SMIM36: variants seen among roughly 807,000 people sequenced by gnomAD.
The protein encoded by SMIM36 is small integral membrane protein 36.
the SMIM36 span, among the ~76,000 whole-genome samples, chr17:55,525,874 T>A: frequency 3.3e-5 from 5 of 152,220 alleles, no homozygotes; most frequent in Admixed American, 6.5e-5. Context: ...GCCAGACTGG[T>A]CTCGAACTTT....
chr17:55,482,233 T>C (rs569513666), intron 1 of SMIM36, among the ~76,000 whole-genome samples: 9 of 152,294 alleles, frequency 5.9e-5, no homozygotes, highest in African/African-American at 2.2e-4. Context: ...ACACATAGCA[T>C]GTGTCCATAC....
chr17:55,517,367 A>C, the SMIM36 span, among the ~76,000 whole-genome samples: 3 of 152,188 alleles, frequency 2.0e-5, no homozygotes, highest in Non-Finnish European at 4.4e-5. Context: ...CCTGGCCAAC[A>C]TGGTGAAACC....
intron 2 of SMIM36, among the ~76,000 whole-genome samples, 152 bp downstream of exon 2, chr17:55,479,308 C>T (rs1396709433): frequency 2.0e-5 from 3 of 152,070 alleles, no homozygotes; most frequent in Admixed American, 6.6e-5. Context: ...TGTGCAGCCC[C>T]GTGTGGTGGC....
chr17:55,489,293 G>T (rs760679040), intron 1 of SMIM36, among the ~76,000 whole-genome samples: 1 of 152,022 alleles, frequency 6.6e-6, no homozygotes, highest in African/African-American at 2.4e-5. Context: ...CAGGAGAATC[G>T]CTTGAACCTG....
the SMIM36 span, among the ~76,000 whole-genome samples, chr17:55,525,134 C>G: frequency 6.6e-6 from 1 of 152,196 alleles, no homozygotes; most frequent in Non-Finnish European, 1.5e-5. Context: ...TATATATGTT[C>G]CCCTGTCTAC....
chr17:55,518,185 A>G, the SMIM36 span, among the ~76,000 whole-genome samples: 2 of 152,240 alleles, frequency 1.3e-5, no homozygotes, highest in African/African-American at 2.4e-5. Context: ...AGAAGGTAAA[A>G]GGACAAGAGA....
intron 1 of SMIM36, among the ~76,000 whole-genome samples, chr17:55,510,110 C>T (rs2144724485): frequency 6.6e-6 from 1 of 152,194 alleles, no homozygotes; most frequent in African/African-American, 2.4e-5. Context: ...GTGGTCCAAT[C>T]ACTATCCCTG....
intron 1 of SMIM36, among the ~76,000 whole-genome samples, chr17:55,494,924 A>G (rs1909782456): frequency 6.6e-6 from 1 of 152,202 alleles, no homozygotes; most frequent in Non-Finnish European, 1.5e-5. Flanking sequence ...AGTTGCCTAA[A>G]ATATATAAAG....
At chr17:55,520,055 G>A in the SMIM36 span, among the ~76,000 whole-genome samples, 1 of 152,160 alleles carries the variant, frequency 6.6e-6, no homozygotes, top group Non-Finnish European at 1.5e-5. Context: ...GGGATCAAGA[G>A]GGAGAAGTTC....
In SMIM36 at chr17:55,473,909, TG is replaced by T. The variant is rs1357571869; in HGVS notation, c.*347+4852del. 4.6e-5 allele frequency among the ~76,000 whole-genome samples: 7 copies of T among 152,266 alleles called. No homozygotes were observed. In the East Asian group the frequency reaches 1.4e-3, roughly 29 times the overall value. On this transcript the variant is annotated intron_variant, in intron 3 of 4. Transcript: ENST00000636752. ...AAGCAGACAGCCCGGCGCGTCACCC[TG>T]GGCCTGGTAGTTTAAAGATCGGCCC...
chr17:55,517,741 G>C, the SMIM36 span, among the ~76,000 whole-genome samples: 1 of 152,192 alleles, frequency 6.6e-6, no homozygotes, highest in Non-Finnish European at 1.5e-5. Flanking sequence ...AATTGGAGAT[G>C]GTGAGAAGAC....
chr17:55,474,977 C>T (rs1909405627), intron 3 of SMIM36, among the ~76,000 whole-genome samples: 1 of 152,114 alleles, frequency 6.6e-6, no homozygotes, highest in South Asian at 2.1e-4. Context: ...AAAGGTATGG[C>T]ACAGGGTAAA....
chr17:55,507,635 G>C (rs1357548901), intron 1 of SMIM36, among the ~76,000 whole-genome samples: 10 of 137,968 alleles, frequency 7.2e-5, no homozygotes, highest in South Asian at 2.6e-4. Flanking sequence ...GCTAGATGAC[G>C]AGTTAGTGGG....
At chr17:55,467,729 G>A (rs1037841877) in intron 3 of SMIM36, among the ~76,000 whole-genome samples, 4 of 152,158 alleles carry the variant, frequency 2.6e-5, no homozygotes, top group African/African-American at 9.7e-5. Context: ...TGCAGGTTGA[G>A]TTTGCGATTG....
At chr17:55,502,762 G>A (rs1208819128) in intron 1 of SMIM36, among the ~76,000 whole-genome samples, 46 of 114,010 alleles carry the variant, frequency 4.0e-4, no homozygotes, top group African/African-American at 1.8e-3. Context: ...GGCTTCAGAC[G>A]ATCAAATTAC....
intron 1 of SMIM36, among the ~76,000 whole-genome samples, chr17:55,501,463 T>C (rs547318961): frequency 0.029 from 2,268 of 79,052 alleles, 176 homozygotes; most frequent in African/African-American, 0.11. Flanking sequence ...TATTATTATA[T>C]ATTATATTTT....
the SMIM36 span, among the ~76,000 whole-genome samples, chr17:55,528,954 G>A: frequency 6.6e-6 from 1 of 152,194 alleles, no homozygotes; most frequent in Non-Finnish European, 1.5e-5. Context: ...AAAGAGCTCT[G>A]GATGAAGAAC....
At chr17:55,491,349 G>A (rs571750348) in intron 1 of SMIM36, among the ~76,000 whole-genome samples, 22 of 151,476 alleles carry the variant, frequency 1.5e-4, no homozygotes, top group Non-Finnish European at 3.1e-4. Context: ...GTCACTTTGA[G>A]GAGTTAATAT....
At chr17:55,474,352 T>C (rs7222375) in intron 3 of SMIM36, among the ~76,000 whole-genome samples, 76,613 of 151,892 alleles carry the variant, frequency 0.5, 19,688 homozygotes, top group South Asian at 0.57. Context: ...GCTTGAGTGA[T>C]GCGGATCCTG....
Sources: allele counts gnomAD v4.1 joint callset (sites outside exome capture counted in the v4.1 genomes callset), GRCh38; gene constraint gnomAD v4.1.1; transcripts MANE v1.5; gene names NCBI Gene and HGNC (gene_info 2026-07-23, HGNC 2026-07-21).